BRD9: variants seen among roughly 807,000 people sequenced by gnomAD.
BRD9 encodes the protein bromodomain containing 9.
BRD9 carries 47 observed loss-of-function variants against 68.7 expected under a neutral mutation model. That is an observed-to-expected ratio of 0.68 (90% CI 0.54 to 0.87). The LOEUF (loss-of-function observed/expected upper bound fraction) is 0.87, where lower values mean the gene tolerates loss of function less well. Ranked by LOEUF, BRD9 falls within the 40% of genes least tolerant of loss-of-function variation. The probability of loss-of-function intolerance (pLI) is 0.00; values close to 1 mark genes in which losing one functional copy is unlikely to be tolerated. For missense variants in BRD9, 670 were observed against 748.4 expected, an observed-to-expected ratio of 0.90 and a Z score of 1.22; for synonymous variants, 313 against 293.9, an observed-to-expected ratio of 1.06 and a Z score of -0.67.
intron 1 of BRD9, 191 bp from the exon 2 acceptor site, chr5:892,045 C>T (rs1753504429): frequency 8.7e-6 from 8 of 920,606 alleles, no homozygotes; most frequent in South Asian, 3.5e-5. Context: ...CCTTCCCCTC[C>T]GCAGGGAGCT....
In BRD9 at chr5:888,900, G is replaced by T. The variant is rs73733985; in HGVS notation, c.606+121C>A. ...ATGCTGTGTCTGTAAAACATCATCCGAACACAGAAACACCTGTGAAAGCTC... is the reference window on the plus strand; with the variant it reads ...ATGCTGTGTCTGTAAAACATCATCCTAACACAGAAACACCTGTGAAAGCTC... On this transcript the variant is annotated intron_variant, in intron 5 of 15. Coordinates refer to ENST00000467963, the MANE Select transcript of BRD9 (RefSeq NM_023924.5). 20 of 1,043,086 alleles carry T rather than the reference G, an allele frequency of 1.9e-5. No homozygotes were observed. In the African/African-American group the frequency reaches 3.3e-4, roughly 17 times the overall value. 64.6% of individuals were successfully genotyped at this position (1,043,086 alleles called of 1,614,324 possible).
rs950259552 is a variant in BRD9 at position 891,197 on chromosome 5, G to C, written c.358C>G (p.Pro120Ala). ...FDPGKKVEVE[P>A]PPDRPVRACR... is the part of the protein sequence containing the mutation. The stretch of plus-strand genomic sequence containing the variant: ...GCTCGGACTGGCCGATCTGGGGGCG[G>C]CTCCACCTCCACCTTCTTCCCAGGA... The change falls in exon 3 of 16, where the codon CCG (proline) becomes GCG (alanine). Residue 120 changes from proline (P) to alanine (A), a missense_variant. Transcript: ENST00000467963. 15 of 1,551,728 alleles carry C rather than the reference G, an allele frequency of 9.7e-6. No homozygotes were observed. The Admixed American group carries it at 2.2e-4, about 22-fold the overall frequency.
At chr5:877,996 T>C (rs942935137) in intron 11 of BRD9, among the ~76,000 whole-genome samples, 2 of 152,180 alleles carry the variant, frequency 1.3e-5, no homozygotes, top group African/African-American at 4.8e-5. Flanking sequence ...CACACCTTCA[T>C]GGCAAATGCC....
rs1749962322 is a variant in BRD9, at chr5:870,376, T to C, written c.1525+97A>G. ...TAACAAAAGATTTTCCTGGCATCCCTGTCTAGTCAGGAAGGGAGAGGAGGT... is the reference window on the plus strand; with the variant it reads ...TAACAAAAGATTTTCCTGGCATCCCCGTCTAGTCAGGAAGGGAGAGGAGGT... On this transcript the variant is annotated intron_variant, in intron 14 of 15. Coordinates refer to ENST00000467963, the MANE Select transcript of BRD9 (RefSeq NM_023924.5). The C allele has an allele frequency of 3.2e-6, 3 of 938,390 alleles. No individual in the cohort carries two copies. The South Asian group carries it at 4.2e-5, about 13-fold the overall frequency. 58.1% of individuals were successfully genotyped at this position (938,390 alleles called of 1,614,324 possible).
chr5:869,497 GA>G (rs1323305196), intron 14 of BRD9: 1 of 384,896 alleles, frequency 2.6e-6, no homozygotes, highest in East Asian at 7.6e-5. Context: ...ATTCTGTAGA[GA>G]ATCTCCTGCC....
intron 11 of BRD9, 120 bp from the exon 12 acceptor site, chr5:876,332 A>G (rs1291176819): frequency 1.5e-6 from 1 of 671,234 alleles, no homozygotes; most frequent in Non-Finnish European, 2.5e-6. Flanking sequence ...TGACCCTCCC[A>G]GAGCGGGTAT....
Position 892,288 on chromosome 5 carries a change from A to G in BRD9, c.52+318T>C, listed in dbSNP as rs896949805. The stretch of plus-strand genomic sequence containing the variant: ...CAAGGGAGAGGGAGGGAAAGGCGGG[A>G]GAAAGGGCAGCCCAGCTTCTCCCTG... On this transcript the variant is annotated intron_variant, in intron 1 of 15. Transcript: ENST00000467963. The G allele has an allele frequency of 9.8e-6, 5 of 511,698 alleles. No individual in the cohort carries two copies. In the African/African-American group the frequency reaches 1.0e-4, roughly 10 times the overall value. The allele number at this position is 511,698 out of a possible 1,614,324, so 31.7% of individuals were successfully genotyped here. A position where few individuals can be genotyped will look rare whatever the true frequency, so the allele number is the denominator to read the frequency against.
At chr5:868,514 A>C (rs1334792997) in intron 14 of BRD9, 1 of 152,282 alleles carries the variant, frequency 6.6e-6, no homozygotes, top group African/African-American at 2.4e-5. Context: ...GGTCCCCCCC[A>C]GTGCTAGGGA....
At chr5:892,054 C>T (rs1470762274) in intron 1 of BRD9, 200 bp from the exon 2 acceptor site, 5 of 811,912 alleles carry the variant, frequency 6.2e-6, no homozygotes, top group South Asian at 3.7e-5. Flanking sequence ...CCGCAGGGAG[C>T]TTCAGGTCCC....
chr5:871,974 G>A (rs550741307), intron 12 of BRD9, among the ~76,000 whole-genome samples: 31 of 152,388 alleles, frequency 2.0e-4, no homozygotes, highest in East Asian at 1.9e-4. Context: ...AGACCAGCTC[G>A]AGTCCTGCAG....
chr5:880,183 A>G (rs1197276404), intron 9 of BRD9: 1 of 129,384 alleles, frequency 7.7e-6, no homozygotes, highest in Middle Eastern at 3.5e-3. Context: ...TCACTCAACA[A>G]CTCCAAGAAG....
intron 11 of BRD9, 112 bp from the exon 12 acceptor site, chr5:876,324 A>C: frequency 1.4e-6 from 1 of 723,802 alleles, no homozygotes; most frequent in South Asian, 1.7e-5. Context: ...GGTCCCCGTG[A>C]CCCTCCCAGA....
At chr5:877,444 A>G (rs977346088) in intron 11 of BRD9, among the ~76,000 whole-genome samples, 21 of 152,202 alleles carry the variant, frequency 1.4e-4, no homozygotes, top group African/African-American at 5.1e-4. Flanking sequence ...CACTAAGGGG[A>G]TTCTTGTTTA....
Position 889,578 on chromosome 5 carries a change from C to T in BRD9, c.461+9G>A, listed in dbSNP as rs1186782391. ...CAGACACTAGCTCTTCAGAAACGCC[C>T]CGGTTTACCTCTGAAGCTGGCGGAG... On this transcript the variant is annotated intron_variant, in intron 4 of 15. Coordinates refer to ENST00000467963, the MANE Select transcript of BRD9 (RefSeq NM_023924.5). The T allele has an allele frequency of 1.2e-6, 2 of 1,613,546 alleles. No homozygotes were observed. The highest frequency in any genetic ancestry group is 1.7e-5 in the Admixed American group (1 of 59,988).
intron 1 of BRD9, chr5:892,294 GGCAGCCC>G: frequency 1.9e-6 from 1 of 521,568 alleles, no homozygotes; most frequent in South Asian, 2.8e-5. Flanking sequence ...CGGGAGAAAG[GGCAGCCC>G]AGCTTCTCCC....
chr5:892,459 TCCCAGGACCCCCTCCCGCGTG>T (rs1453595464), intron 1 of BRD9, 126 bp downstream of exon 1: 12 of 1,413,206 alleles, frequency 8.5e-6, no homozygotes, highest in African/African-American at 1.5e-5. Context: ...CTGCCCGAAA[TCCCAGGACCCCCTCCCGCGTG>T]CCCAGAACCC....
chr5:871,802 G>GCTC (rs962978608), intron 12 of BRD9, among the ~76,000 whole-genome samples: 1 of 152,236 alleles, frequency 6.6e-6, no homozygotes, highest in Non-Finnish European at 1.5e-5. Flanking sequence ...CGGGGACAGC[G>GCTC]CTCCACAGGG....
chr5:891,091 C>CCGACCCCTCGG (rs1161590050), intron 3 of BRD9, 64 bp downstream of exon 3: 56 of 1,485,932 alleles, frequency 3.8e-5, no homozygotes, highest in Non-Finnish European at 4.4e-5. Flanking sequence ...GGACACGGTG[C>CCGACCCCTCGG]CGACCCCTCA....
At chr5:864,717 G>C in intron 15 of BRD9, 149 bp from the exon 16 acceptor site, 1 of 645,206 alleles carries the variant, frequency 1.5e-6, no homozygotes, top group Non-Finnish European at 2.7e-6. Flanking sequence ...CTGCCAAGGA[G>C]AGCTGTGTGT....
Sources: gnomAD v4.1 joint callset for allele counts (sites outside exome capture counted in the v4.1 genomes callset) on GRCh38, gnomAD v4.1.1 for gene constraint, MANE v1.5 for transcripts, NCBI Gene and HGNC (gene_info 2026-07-23, HGNC 2026-07-21) for gene names.